The following GABRG3 variants were observed in gnomAD, a reference collection of about 807,000 sequenced individuals.
GABRG3 encodes gamma-aminobutyric acid type A receptor subunit gamma3, also known as gamma-aminobutyric acid receptor subunit gamma-3.
Under a neutral mutation model 48.8 loss-of-function variants are expected in GABRG3, and 25 were observed. The observed-to-expected ratio is 0.51, with a 90% CI of 0.37 to 0.72. The LOEUF is 0.72. Ranked by LOEUF, GABRG3 falls within the 30% of genes least tolerant of loss-of-function variation. The probability of loss-of-function intolerance (pLI) is 0.00; values close to 1 mark genes in which losing one functional copy is unlikely to be tolerated. For synonymous variants in GABRG3, 227 were observed against 217.6 expected (o/e 1.04, Z -0.38); for missense variants, 394 against 577.9 (o/e 0.68, Z 3.26).
rs181407651 is a variant in GABRG3 at position 27,352,567 on chromosome 15, G to A, written c.574+23679G>A. ...AGGAACTGTGCCGCCTGCTGTTCAG[G>A]TGCTATTTCTGTCCGACCTGTGGGA... On this transcript the variant is annotated intron_variant, in intron 5 of 9. Transcript: ENST00000615808. This position sits in a 1 kb window ranked among gnomAD's most constrained non-coding sequence, Gnocchi z 4.0. Among the ~76,000 whole-genome samples the A allele has an allele frequency of 1.3e-3, 201 of 152,202 alleles. 1 individual carries two copies. Among genetic ancestry groups the A allele is most frequent in the Non-Finnish European group, 9.4e-4 (64 of 68,012 alleles).
intron 5 of GABRG3, among the ~76,000 whole-genome samples, chr15:27,404,787 G>A (rs1887582592): frequency 6.6e-6 from 1 of 152,198 alleles, no homozygotes; most frequent in Non-Finnish European, 1.5e-5. Flanking sequence ...AACAAGCCCT[G>A]TGCATAAGTG....
intron 2 of GABRG3, among the ~76,000 whole-genome samples, chr15:27,016,728 A>G (rs937179766): frequency 2.0e-5 from 3 of 152,014 alleles, no homozygotes; most frequent in African/African-American, 7.2e-5. Flanking sequence ...CATAATGCAT[A>G]TGTTATTCTG....
rs147468674 is a variant in GABRG3, at chr15:27,427,095, G to A, written c.575-53555G>A. On this transcript the variant is annotated intron_variant, in intron 5 of 9. Transcript: ENST00000615808. ...CTTCTGGGAAATGATCCAAATGTGC[G>A]AGACTAAATATGTTCCTTTATATAG... Among the ~76,000 whole-genome samples the A allele has an allele frequency of 1.2e-4, 18 of 152,224 alleles. No individual in the cohort carries two copies. The East Asian group carries it at 2.5e-3, about 21-fold the overall frequency.
intron 3 of GABRG3, among the ~76,000 whole-genome samples, chr15:27,104,897 A>G (rs532610794): frequency 1.3e-5 from 2 of 152,352 alleles, no homozygotes; most frequent in East Asian, 3.9e-4. Flanking sequence ...TTGATATTAA[A>G]TGGCAGACAT....
At chr15:27,383,587 T>A (rs760637709) in intron 5 of GABRG3, among the ~76,000 whole-genome samples, 2 of 152,002 alleles carry the variant, frequency 1.3e-5, no homozygotes, top group Non-Finnish European at 2.9e-5. Flanking sequence ...CAACATTAGA[T>A]GAAATATTTT....
chr15:27,335,539 A>T (rs1893935588), intron 5 of GABRG3, among the ~76,000 whole-genome samples: 1 of 152,202 alleles, frequency 6.6e-6, no homozygotes, highest in Non-Finnish European at 1.5e-5. Context: ...GATGCATGCT[A>T]TGCCTTTGGA....
chr15:27,093,129 C>T (rs777949272), intron 3 of GABRG3, among the ~76,000 whole-genome samples: 65 of 152,014 alleles, frequency 4.3e-4, no homozygotes, highest in Non-Finnish European at 8.7e-4. Flanking sequence ...GCATTGTATC[C>T]TGGGCACCTG....
intron 5 of GABRG3, chr15:27,362,795 C>A (rs917364482): frequency 6.6e-5 from 10 of 152,106 alleles, no homozygotes; most frequent in African/African-American, 2.4e-4. Context: ...TACCTGTCCA[C>A]CTGAGATTTT....
intron 3 of GABRG3, among the ~76,000 whole-genome samples, chr15:27,145,512 C>A (rs752304540): frequency 6.6e-6 from 1 of 151,902 alleles, no homozygotes; most frequent in African/African-American, 2.4e-5. Context: ...CCAGTCTCAG[C>A]AACATAAATT....
chr15:27,113,008 A>G (rs1481185689), intron 3 of GABRG3, among the ~76,000 whole-genome samples: 3 of 152,156 alleles, frequency 2.0e-5, no homozygotes, highest in Non-Finnish European at 2.9e-5. Flanking sequence ...ATTTTCCTTT[A>G]TAGAATTCCT....
At chr15:27,161,279 CAAG>C (rs1440729073) in intron 3 of GABRG3, 1 of 152,154 alleles carries the variant, frequency 6.6e-6, no homozygotes, top group East Asian at 1.9e-4. Flanking sequence ...TGGAAGAAGA[CAAG>C]AGATGCCTGG....
chr15:27,503,726 C>CACAAAAG (rs1890697981), intron 6 of GABRG3, among the ~76,000 whole-genome samples: 1 of 152,180 alleles, frequency 6.6e-6, no homozygotes, highest in South Asian at 2.1e-4. Context: ...TGTGTTCTCA[C>CACAAAAG]TTATTTCCTG....
At chr15:27,311,366 A>G (rs549528516) in intron 3 of GABRG3, among the ~76,000 whole-genome samples, 1 of 152,248 alleles carries the variant, frequency 6.6e-6, no homozygotes, top group South Asian at 2.1e-4. Flanking sequence ...TGGGGAGGGA[A>G]AAAGATGGAC....
intron 3 of GABRG3, among the ~76,000 whole-genome samples, chr15:27,231,373 G>A (rs1436028610): frequency 6.6e-6 from 1 of 152,228 alleles, no homozygotes; most frequent in Non-Finnish European, 1.5e-5. Context: ...GCAGGCTGCT[G>A]GAGCAGCAAG....
At chr15:27,052,295 G>A (rs1896469142) in intron 3 of GABRG3, among the ~76,000 whole-genome samples, 2 of 152,148 alleles carry the variant, frequency 1.3e-5, no homozygotes. Context: ...ACCTTGGGGG[G>A]GTGCTGTCAC....
chr15:27,417,415 C>A (rs1887972717), intron 5 of GABRG3, among the ~76,000 whole-genome samples: 1 of 152,082 alleles, frequency 6.6e-6, no homozygotes, highest in Non-Finnish European at 1.5e-5. Context: ...CTCCTTCTAC[C>A]CCTGTTGGTG....
At chr15:27,379,223 A>AT (rs1895691399) in intron 5 of GABRG3, among the ~76,000 whole-genome samples, 1 of 152,058 alleles carries the variant, frequency 6.6e-6, no homozygotes, top group South Asian at 2.1e-4. Flanking sequence ...AATTATTCTT[A>AT]TTTTTCCCCT....
chr15:27,321,906 G>A (rs555998536), intron 3 of GABRG3, among the ~76,000 whole-genome samples: 2 of 152,198 alleles, frequency 1.3e-5, no homozygotes, highest in Admixed American at 6.5e-5. Flanking sequence ...GCGGTAATTC[G>A]TGGCTTATTT....
chr15:27,196,719 A>G (rs1888507156), intron 3 of GABRG3, among the ~76,000 whole-genome samples: 1 of 152,254 alleles, frequency 6.6e-6, no homozygotes, highest in African/African-American at 2.4e-5. Flanking sequence ...TAACAGACGC[A>G]CAAAGAAGTT....
Sources: gnomAD v4.1 joint callset for allele counts (sites outside exome capture counted in the v4.1 genomes callset) on GRCh38, gnomAD v4.1.1 for gene constraint, Gnocchi (gnomAD v3.1) non-coding constraint, MANE v1.5 for transcripts, NCBI Gene and HGNC (gene_info 2026-07-23, HGNC 2026-07-21) for gene names.